Variants in TPCN1 observed in about 807,000 individuals in gnomAD.
TPCN1 encodes the protein two pore segment channel 1, also known as two pore channel protein 1.
A neutral mutation model predicts 108.8 loss-of-function variants in TPCN1; 52 were observed. The observed-to-expected ratio is 0.48, with a 90% CI of 0.38 to 0.60. The LOEUF (loss-of-function observed/expected upper bound fraction) is 0.60. Ranked by LOEUF, TPCN1 falls within the 20% of genes least tolerant of loss-of-function variation. The probability of loss-of-function intolerance (pLI) is 0.00; values close to 1 mark genes in which losing one functional copy is unlikely to be tolerated. For missense variants in TPCN1, 806 were observed against 1,072.8 expected (o/e 0.75, Z 3.47); for synonymous variants, 446 against 433.7 (o/e 1.03, Z -0.35).
intron 13 of TPCN1, among the ~76,000 whole-genome samples, chr12:113,278,457 A>G (rs867573463): frequency 6.6e-6 from 1 of 152,206 alleles, no homozygotes; most frequent in African/African-American, 2.4e-5. Context: ...AATCTTACTT[A>G]GACCCCATTG....
intron 1 of TPCN1, among the ~76,000 whole-genome samples, chr12:113,224,783 G>A (rs1226715804): frequency 2.6e-5 from 4 of 151,780 alleles, no homozygotes; most frequent in African/African-American, 9.7e-5. Flanking sequence ...GTGGAATCTG[G>A]CTCTGTCGCC....
At position 113,288,051 on chromosome 12, in the gene TPCN1, C is replaced by G. The variant is rs917989208; in HGVS notation, c.1635-112C>G. The G allele has an allele frequency of 7.7e-6, 8 of 1,039,306 alleles. No homozygotes were observed. In the African/African-American group the frequency reaches 1.3e-4, roughly 16 times the overall value. The allele number at this position is 1,039,306 out of a possible 1,614,324, so 64.4% of individuals were successfully genotyped here. A position where few individuals can be genotyped will look rare whatever the true frequency, so the allele number is the denominator to read the frequency against. On this transcript the variant is annotated intron_variant, in intron 19 of 27. Transcript: ENST00000335509. The surrounding 1 kb of genome is among the most constrained non-coding windows in gnomAD (Gnocchi z 4.8). ...GGAGTGGACGCAGGTGGAGGAGAGGCCCTCACCTGTCTTCACCGCATGGCG... is the reference window on the plus strand; with the variant it reads ...GGAGTGGACGCAGGTGGAGGAGAGGGCCTCACCTGTCTTCACCGCATGGCG...
chr12:113,298,022 G>T lies in TPCN1; in HGVS notation c.*1946G>T, dbSNP rs913320407. 3 of 152,454 alleles carry T rather than the reference G, an allele frequency of 2.0e-5. No individual in the cohort carries two copies. Among genetic ancestry groups the T allele is most frequent in the Middle Eastern group, 3.4e-3 (1 of 296 alleles). The allele number at this position is 152,454 out of a possible 1,614,324, so 9.4% of individuals were successfully genotyped here. ...CCCAGGGGAGTCAAGGCCCCGAGGT[G>T]GGGGGGCCTATTCCAGGAGGAGTGG... On this transcript the variant is annotated 3_prime_UTR_variant, in exon 28 of 28. Transcript: ENST00000335509.
At chr12:113,260,643 G>A in intron 3 of TPCN1, 151 bp downstream of exon 3, 1 of 1,055,948 alleles carries the variant, frequency 9.5e-7, no homozygotes, top group Non-Finnish European at 1.3e-6. Context: ...AAGATGGGCT[G>A]ACCTGACTGT....
At chr12:113,246,316 T>C (rs1954381805) in intron 2 of TPCN1, among the ~76,000 whole-genome samples, 1 of 152,244 alleles carries the variant, frequency 6.6e-6, no homozygotes, top group Admixed American at 6.5e-5. Context: ...GCGCCTGTCC[T>C]CTTGGTCTGG....
Position 113,288,065 on chromosome 12 carries a change from C to A in TPCN1, c.1635-98C>A. On this transcript the variant is annotated intron_variant, in intron 19 of 27. Transcript: ENST00000335509. This position sits in a 1 kb window ranked among gnomAD's most constrained non-coding sequence, Gnocchi z 4.8. ...TGGAGGAGAGGCCCTCACCTGTCTT[C>A]ACCGCATGGCGTGTGGAAGGCGGGG... The A allele has an allele frequency of 8.1e-7, 1 of 1,230,128 alleles. No individual in the cohort carries two copies. Among genetic ancestry groups the A allele is most frequent in the Non-Finnish European group, 1.2e-6 (1 of 861,310 alleles). The allele number at this position is 1,230,128 out of a possible 1,614,324, so 76.2% of individuals were successfully genotyped here.
chr12:113,248,792 T>A (rs766196248), intron 2 of TPCN1, among the ~76,000 whole-genome samples: 1 of 152,110 alleles, frequency 6.6e-6, no homozygotes, highest in Non-Finnish European at 1.5e-5. Flanking sequence ...AGGATTTTTG[T>A]TATATTAAAC....
Position 113,267,942 on chromosome 12 carries a change from C to T in TPCN1, c.514C>T (p.Arg172Trp), listed in dbSNP as rs1185278366. 1 of 1,612,632 alleles carries T rather than the reference C, an allele frequency of 6.2e-7. No homozygotes were observed. The highest frequency in any genetic ancestry group is 1.3e-5 in the African/African-American group (1 of 74,910). Residue 172 changes from arginine to tryptophan, a missense_variant, in exon 5 of 28, where the codon CGG becomes TGG. Arg to Trp is a moderately radical substitution (Grantham distance 101). Coordinates refer to ENST00000335509, the MANE Select transcript of TPCN1 (RefSeq NM_017901.6). ...CCTCCACACCTTCATCCGGCACAAG[C>T]GGACCATGGTCAAGGTGATGTGTCC... ...LGLHTFIRHK[R>W]TMVKTSVLVV... is the part of the protein sequence containing the mutation.
At position 113,284,842 on chromosome 12, in the gene TPCN1, G is replaced by A; in HGVS notation, c.1453+71G>A. 1 of 1,506,502 alleles carries A rather than the reference G, an allele frequency of 6.6e-7. No homozygotes were observed. Among genetic ancestry groups the A allele is most frequent in the Admixed American group, 1.7e-5 (1 of 59,604 alleles). 93.3% of individuals were successfully genotyped at this position (1,506,502 alleles called of 1,614,324 possible). A position where few individuals can be genotyped will look rare whatever the true frequency, so the allele number is the denominator to read the frequency against. On this transcript the variant is annotated intron_variant, in intron 17 of 27. Coordinates refer to ENST00000335509, the MANE Select transcript of TPCN1 (RefSeq NM_017901.6). This position sits in a 1 kb window ranked among gnomAD's most constrained non-coding sequence, Gnocchi z 4.1. ...TCTGGGAGAACTTTCATTCAGTGTA[G>A]AACCTCATGGTTCTTCTCTAAAACA... is the stretch of plus-strand genomic sequence containing the variant.
chr12:113,229,466 CT>C (rs1953594883), intron 2 of TPCN1, among the ~76,000 whole-genome samples: 1 of 152,208 alleles, frequency 6.6e-6, no homozygotes, highest in Admixed American at 6.5e-5. Context: ...CAGCGTCCCC[CT>C]GTCCCTGCTG....
At position 113,238,546 on chromosome 12, in the gene TPCN1, C is replaced by T. The variant is rs192919940; in HGVS notation, c.112+11582C>T. ...GCTATCTCTTGCTATCCACCTGCCT[C>T]GGCCTCCCAAAGTGCTGAGATTACA... On this transcript the variant is annotated intron_variant, in intron 2 of 27. Transcript: ENST00000335509. Among the ~76,000 whole-genome samples, 777 of 152,304 alleles carry T rather than the reference C, an allele frequency of 5.1e-3. 9 individuals carry two copies. The highest frequency in any genetic ancestry group is 0.018 in the African/African-American group (734 of 41,572).
intron 1 of TPCN1, among the ~76,000 whole-genome samples, chr12:113,223,435 CTTTTT>C (rs1172851714): frequency 1.7e-5 from 2 of 120,292 alleles, no homozygotes; most frequent in African/African-American, 6.3e-5. Context: ...TCTGCTGAGT[CTTTTT>C]TTTTTTTTTT....
intron 13 of TPCN1, among the ~76,000 whole-genome samples, chr12:113,278,490 G>T (rs1280517800): frequency 1.3e-5 from 2 of 152,222 alleles, no homozygotes. Context: ...CATCAGGCGG[G>T]TTACTGAGCC....
chr12:113,273,380 A>G lies in TPCN1; in HGVS notation c.842+90A>G, dbSNP rs1218715733. On this transcript the variant is annotated intron_variant, in intron 9 of 27. Transcript: ENST00000335509. This position sits in a 1 kb window ranked among gnomAD's most constrained non-coding sequence, Gnocchi z 4.0. The stretch of plus-strand genomic sequence containing the variant: ...TGCCAAGTATATTCCACATCCCAGC[A>G]CAGGCAGGTGCTGTGGTGCTATTGG... The G allele has an allele frequency of 6.9e-7, 1 of 1,450,848 alleles. No homozygotes were observed. The highest frequency in any genetic ancestry group is 9.7e-7 in the Non-Finnish European group (1 of 1,032,968). The allele number at this position is 1,450,848 out of a possible 1,614,324, so 89.9% of individuals were successfully genotyped here. A position where few individuals can be genotyped will look rare whatever the true frequency, so the allele number is the denominator to read the frequency against.
At position 113,278,768 on chromosome 12, in the gene TPCN1, C is replaced by T. The variant is rs746402036; in HGVS notation, c.1234-4C>T. 3.7e-5 allele frequency: 59 copies of T among 1,613,912 alleles called. No homozygotes were observed. Among genetic ancestry groups the T allele is most frequent in the Middle Eastern group, 1.7e-4 (1 of 6,056 alleles). ...CCCTCCCTCTTGGTCCTGTTGTCTACCAGGCCAAGAAAAACAGAGAGCACT... is the reference window on the plus strand; with the variant it reads ...CCCTCCCTCTTGGTCCTGTTGTCTATCAGGCCAAGAAAAACAGAGAGCACT... On this transcript the variant is annotated splice_region_variant and splice_polypyrimidine_tract_variant and intron_variant, in intron 13 of 27. Transcript: ENST00000335509.
At chr12:113,294,149 A>T (rs1956356722) in intron 27 of TPCN1, 2 of 152,154 alleles carry the variant, frequency 1.3e-5, no homozygotes, top group South Asian at 2.1e-4. Flanking sequence ...CAGTGGCGTG[A>T]TCATAGCTCA....
At position 113,288,288 on chromosome 12, in the gene TPCN1, C is replaced by T. The variant is rs755121441; in HGVS notation, c.1706+54C>T. 5 of 1,611,140 alleles carry T rather than the reference C, an allele frequency of 3.1e-6. 1 individual carries two copies. In the South Asian group the frequency reaches 5.5e-5, roughly 18 times the overall value. On this transcript the variant is annotated intron_variant, in intron 20 of 27. Coordinates refer to ENST00000335509, the MANE Select transcript of TPCN1 (RefSeq NM_017901.6). This position sits in a 1 kb window ranked among gnomAD's most constrained non-coding sequence, Gnocchi z 4.8. ...GGTCCAGGTGCCGTGTGGCAGTGCC[C>T]CGTGGGGGCGGGAGCCGAGTGGCAG... is the stretch of plus-strand genomic sequence containing the variant.
intron 2 of TPCN1, among the ~76,000 whole-genome samples, chr12:113,246,255 G>A (rs1378587594): frequency 1.3e-5 from 2 of 152,228 alleles, no homozygotes; most frequent in African/African-American, 4.8e-5. Context: ...AGGTTAAGGG[G>A]CTGGTGCCAC....
intron 1 of TPCN1, among the ~76,000 whole-genome samples, chr12:113,224,909 C>A (rs1164096909): frequency 1.3e-5 from 2 of 152,138 alleles, no homozygotes; most frequent in Non-Finnish European, 2.9e-5. Context: ...AGCCACCACA[C>A]CCAGCTAATT....
Sources: allele counts gnomAD v4.1 joint callset (sites outside exome capture counted in the v4.1 genomes callset), GRCh38; gene constraint gnomAD v4.1.1; non-coding constraint Gnocchi (gnomAD v3.1); transcripts MANE v1.5; gene names NCBI Gene and HGNC (gene_info 2026-07-23, HGNC 2026-07-21).